TNFSF13B: variants seen among roughly 807,000 people sequenced by gnomAD.
TNFSF13B encodes TNF superfamily member 13b.
Under a neutral mutation model 29.1 loss-of-function variants are expected in TNFSF13B, and 8 were observed. That is an observed-to-expected ratio of 0.27 (90% confidence interval 0.16 to 0.50). The LOEUF is 0.50. Among genes scored for constraint, TNFSF13B ranks in the 20% least tolerant of loss-of-function variants. The pLI, the probability that TNFSF13B is intolerant of heterozygous loss-of-function variation, is 0.98. For missense variants in TNFSF13B, 248 were observed against 334.9 expected, an observed-to-expected ratio of 0.74 and a Z score of 2.03; for synonymous variants, 125 against 130.8, an observed-to-expected ratio of 0.96 and a Z score of 0.30.
rs746639665 is a variant in TNFSF13B at position 108,269,806 on chromosome 13, G to A, written c.-90G>A. The A allele has an allele frequency of 2.6e-5, 32 of 1,247,320 alleles. No homozygotes were observed. In the Middle Eastern group the frequency reaches 4.0e-3, roughly 156 times the overall value. 77.3% of individuals were successfully genotyped at this position (1,247,320 alleles called of 1,614,324 possible). On this transcript the variant is annotated 5_prime_UTR_variant, in exon 1 of 6. Coordinates refer to ENST00000375887, the MANE Select transcript of TNFSF13B (RefSeq NM_006573.5). ...CAAGCCCTGCCATGTAGTGCACGCA[G>A]GACATCAACAAACACAGATAACAGG...
Position 108,269,781 on chromosome 13 carries a change from C to A in TNFSF13B, c.-115C>A. On this transcript the variant is annotated 5_prime_UTR_variant, in exon 1 of 6. Coordinates refer to ENST00000375887, the MANE Select transcript of TNFSF13B (RefSeq NM_006573.5). ...AGGATAACTCTCCTGAGGGGTGAGCCAAGCCCTGCCATGTAGTGCACGCAG... is the reference window on the plus strand; with the variant it reads ...AGGATAACTCTCCTGAGGGGTGAGCAAAGCCCTGCCATGTAGTGCACGCAG... 1.0e-6 allele frequency: 1 copy of A among 1,001,554 alleles called. No individual in the cohort carries two copies. The highest frequency in any genetic ancestry group is 1.5e-6 in the Non-Finnish European group (1 of 678,710). 62.0% of individuals were successfully genotyped at this position (1,001,554 alleles called of 1,614,324 possible). A position where few individuals can be genotyped will look rare whatever the true frequency, so the allele number is the denominator to read the frequency against.
Position 108,305,411 on chromosome 13 carries a change from A to G in TNFSF13B, c.746-1415A>G, listed in dbSNP as rs530834185. Reference sequence around the variant, plus strand: ...TAGAAAAATTATACCTGATTGCTGTAATCTGGAAGAATTGAAGTAGCCGAT... The same window carrying G: ...TAGAAAAATTATACCTGATTGCTGTGATCTGGAAGAATTGAAGTAGCCGAT... On this transcript the variant is annotated intron_variant, in intron 5 of 5. Transcript: ENST00000375887. Among the ~76,000 whole-genome samples, 3 of 152,292 alleles carry G rather than the reference A, an allele frequency of 2.0e-5. No homozygotes were observed. In the East Asian group the frequency reaches 5.8e-4, roughly 29 times the overall value.
rs1217619881 is a variant in TNFSF13B, at chr13:108,297,667, C to T, written c.482-5586C>T. 2.1e-5 allele frequency among the ~76,000 whole-genome samples: 3 copies of T among 145,036 alleles called. 1 individual carries two copies. Among genetic ancestry groups the T allele is most frequent in the East Asian group, 1.9e-4 (1 of 5,164 alleles). On this transcript the variant is annotated intron_variant, in intron 3 of 5. Transcript: ENST00000375887. ...TTTTATTTTAACTTTATTTTTAGAGCCATTTTAGATTCACAGAAAAATTGA... is the reference window on the plus strand; with the variant it reads ...TTTTATTTTAACTTTATTTTTAGAGTCATTTTAGATTCACAGAAAAATTGA...
intron 3 of TNFSF13B, among the ~76,000 whole-genome samples, chr13:108,295,342 TTTTA>T (rs1344768944): frequency 1.4e-5 from 2 of 144,098 alleles, no homozygotes; most frequent in Non-Finnish European, 3.1e-5. Context: ...GCCTAGCTAT[TTTTA>T]TTTATTTATT....
rs753318573 is a variant in TNFSF13B, at chr13:108,270,129, C to G, written c.234C>G (p.Ser78Arg). The change falls in exon 1 of 6, where the codon AGC becomes AGG. Residue 78 changes from serine to arginine, a missense_variant. This residue lies in a region of TNFSF13B where 186 missense variants were observed against 196.3 expected (regional missense o/e 0.95). Transcript: ENST00000375887. ...QVAALQGDLASLRAELQGHHA... is the reference protein window; with the variant it reads ...QVAALQGDLARLRAELQGHHA... ...CCGCCCTGCAAGGGGACCTGGCCAG[C>G]CTCCGGGCAGAGCTGCAGGGCCACC... 2 of 1,602,470 alleles carry G rather than the reference C, an allele frequency of 1.2e-6. No homozygotes were observed. The highest frequency in any genetic ancestry group is 1.7e-6 in the Non-Finnish European group (2 of 1,179,934).
At chr13:108,297,150 C>T (rs1881477173) in intron 3 of TNFSF13B, among the ~76,000 whole-genome samples, 1 of 145,314 alleles carries the variant, frequency 6.9e-6, no homozygotes, top group African/African-American at 2.6e-5. Context: ...AATGAACTCT[C>T]TCAGTTTTTC....
intron 2 of TNFSF13B, among the ~76,000 whole-genome samples, chr13:108,278,627 C>CTCCCCTTCCTCCTCCTCCGCT (rs1880832613): frequency 6.8e-6 from 1 of 146,852 alleles, no homozygotes; most frequent in African/African-American, 2.5e-5. Context: ...CTTCCTCCTC[C>CTCCCCTTCCTCCTCCTCCGCT]TCCCTTTCCT....
chr13:108,272,906 A>G (rs1306801552), intron 2 of TNFSF13B, among the ~76,000 whole-genome samples: 1 of 152,104 alleles, frequency 6.6e-6, no homozygotes, highest in African/African-American at 2.4e-5. Flanking sequence ...GAAGAAAAGA[A>G]TAATAGAGTA....
intron 3 of TNFSF13B, among the ~76,000 whole-genome samples, chr13:108,287,513 A>T (rs181543673): frequency 6.6e-6 from 1 of 152,208 alleles, no homozygotes; most frequent in Non-Finnish European, 1.5e-5. Flanking sequence ...AGGCACGAAT[A>T]CTTAGAAATG....
intron 2 of TNFSF13B, 34 bp downstream of exon 2, chr13:108,270,458 G>A (rs747422078): frequency 1.3e-6 from 2 of 1,592,206 alleles, no homozygotes; most frequent in African/African-American, 2.7e-5. Context: ...TTAGGAGTCA[G>A]GGATTAGAGA....
intron 2 of TNFSF13B, among the ~76,000 whole-genome samples, chr13:108,275,687 G>A (rs960748944): frequency 1.3e-5 from 2 of 152,010 alleles, no homozygotes; most frequent in African/African-American, 4.8e-5. Context: ...ATTACACACA[G>A]CTTGCAAAGA....
intron 3 of TNFSF13B, chr13:108,302,771 C>T (rs9587551): frequency 0.14 from 137,675 of 977,324 alleles, 9,946 homozygotes; most frequent in Middle Eastern, 0.18. Flanking sequence ...TTCTTTCTTC[C>T]GTAGGCTCCC....
intron 3 of TNFSF13B, among the ~76,000 whole-genome samples, chr13:108,302,045 A>T (rs1481983374): frequency 6.6e-6 from 1 of 152,222 alleles, no homozygotes; most frequent in Non-Finnish European, 1.5e-5. Flanking sequence ...ATGTGAACAC[A>T]CTGTTAGCTA....
In TNFSF13B at chr13:108,286,662, CTT is replaced by C. The variant is rs547635965; in HGVS notation, c.425-139_425-138del. On this transcript the variant is annotated intron_variant, in intron 2 of 5. Transcript: ENST00000375887. ...AAATCAATGGGCAAATATAAAGTAA[CTT>C]TAAGAATAATGTCATGCAATCAATG... 65 of 426,578 alleles carry C rather than the reference CTT, an allele frequency of 1.5e-4. No individual in the cohort carries two copies. In the South Asian group the frequency reaches 1.9e-3, roughly 12 times the overall value. 26.4% of individuals were successfully genotyped at this position (426,578 alleles called of 1,614,324 possible).
chr13:108,272,681 ACT>A (rs1409877592), intron 2 of TNFSF13B, among the ~76,000 whole-genome samples: 2 of 150,406 alleles, frequency 1.3e-5, no homozygotes. Context: ...TCTATTTGAG[ACT>A]CTTTTTTTTA....
intron 2 of TNFSF13B, among the ~76,000 whole-genome samples, chr13:108,281,765 C>T (rs1269651456): frequency 6.6e-6 from 1 of 152,194 alleles, no homozygotes; most frequent in African/African-American, 2.4e-5. Flanking sequence ...CCAAAGCAAA[C>T]TGCTTATCGT....
intron 3 of TNFSF13B, among the ~76,000 whole-genome samples, chr13:108,299,893 G>A (rs1046926019): frequency 1.3e-5 from 2 of 152,082 alleles, no homozygotes; most frequent in African/African-American, 4.8e-5. Context: ...TAAATAAAAT[G>A]TTAAGAGACA....
chr13:108,293,824 T>C (rs558307873), intron 3 of TNFSF13B, among the ~76,000 whole-genome samples: 9 of 152,344 alleles, frequency 5.9e-5, no homozygotes, highest in African/African-American at 1.9e-4. Context: ...TGGTGGTCTT[T>C]TCATTGTGTT....
intron 2 of TNFSF13B, among the ~76,000 whole-genome samples, chr13:108,271,443 A>ATC (rs1423943139): frequency 3.6e-5 from 3 of 83,606 alleles, no homozygotes; most frequent in Middle Eastern, 6.7e-3. Context: ...GGACCCTTCT[A>ATC]TCACACACAC....
Sources: allele counts gnomAD v4.1 joint callset (sites outside exome capture counted in the v4.1 genomes callset), GRCh38; gene constraint gnomAD v4.1.1; regional missense constraint gnomAD v4.1.1; transcripts MANE v1.5; gene names NCBI Gene and HGNC (gene_info 2026-07-23, HGNC 2026-07-21).